The following SNRPF variants were observed in gnomAD, a reference collection of about 807,000 sequenced individuals.
SNRPF encodes the protein small nuclear ribonucleoprotein F.
Under a neutral mutation model 13.4 loss-of-function variants are expected in SNRPF, and 1 was observed. That is an observed-to-expected ratio of 0.07 (90% CI 0.03 to 0.35). SNRPF has a LOEUF of 0.35. SNRPF is among the 10% of genes least tolerant of loss of function. The probability of loss-of-function intolerance (pLI) is 0.99; values close to 1 mark genes in which losing one functional copy is unlikely to be tolerated. For missense variants in SNRPF, 53 were observed against 101.0 expected (o/e 0.52, Z 2.04); for synonymous variants, 27 against 32.1 (o/e 0.84, Z 0.54).
rs1565937756 is a variant in SNRPF at position 95,866,094 on chromosome 12, T to TA, written c.*23_*24insA. On this transcript the variant is annotated 3_prime_UTR_variant, in exon 4 of 4. Transcript: ENST00000266735. ...TAGCATCTTTTGTGGGGGATTTTTTTTATATATATTTCTAGACAATAAAGA... is the reference window on the plus strand; with the variant it reads ...TAGCATCTTTTGTGGGGGATTTTTTTATATATATATTTCTAGACAATAAAGA... The TA allele has an allele frequency of 8.4e-7, 1 of 1,186,290 alleles. No homozygotes were observed. 73.5% of individuals were successfully genotyped at this position (1,186,290 alleles called of 1,614,324 possible). A position where few individuals can be genotyped will look rare whatever the true frequency, so the allele number is the denominator to read the frequency against.
At chr12:95,865,965 T>G (rs1202361277) in intron 3 of SNRPF, 40 bp from the exon 4 acceptor site, 1 of 875,344 alleles carries the variant, frequency 1.1e-6, no homozygotes, top group Non-Finnish European at 1.9e-6. Context: ...CATACATGGT[T>G]TCTGGTTGGA....
Position 95,858,986 on chromosome 12 carries a change from C to G in SNRPF, c.-88C>G. 1.3e-6 allele frequency: 2 copies of G among 1,587,806 alleles called. No individual in the cohort carries two copies. The highest frequency in any genetic ancestry group is 1.1e-5 in the South Asian group (1 of 87,468). ...GGCCATTTCTCTTGAAACTGCGGCT[C>G]GGGACCTGCGGTACCTGCTGTAGTC... is the stretch of plus-strand genomic sequence containing the variant. On this transcript the variant is annotated 5_prime_UTR_variant, in exon 1 of 4. Coordinates refer to ENST00000266735, the MANE Select transcript of SNRPF (RefSeq NM_003095.5).
At chr12:95,861,493 A>T (rs2079496259) in intron 2 of SNRPF, 200 bp downstream of exon 2, 2 of 370,034 alleles carry the variant, frequency 5.4e-6, no homozygotes, top group East Asian at 7.2e-5. Context: ...ATTCAGCTAC[A>T]GATTTTATTC....
In SNRPF at chr12:95,866,017, C is replaced by T. The variant is rs1419271728; in HGVS notation, c.207C>T (p.Val69=). Residue 69 remains valine (V), a synonymous_variant, in exon 4 of 4, where the codon GTC becomes GTT. Transcript: ENST00000266735. ...TTTCTATTTACAGGTGTAATAATGTCCTTTATATCAGAGGTGTGGAAGAAG... is the reference window on the plus strand; with the variant it reads ...TTTCTATTTACAGGTGTAATAATGTTCTTTATATCAGAGGTGTGGAAGAAG... ...LGEVLIRCNN[V]LYIRGVEEEE... is the part of the protein sequence containing the mutation. 3.9e-6 allele frequency: 6 copies of T among 1,524,942 alleles called. No homozygotes were observed. The highest frequency in any genetic ancestry group is 5.4e-6 in the Non-Finnish European group (6 of 1,111,580). 94.5% of individuals were successfully genotyped at this position (1,524,942 alleles called of 1,614,324 possible).
At chr12:95,863,272 A>G (rs1306682252) in intron 2 of SNRPF, among the ~76,000 whole-genome samples, 2 of 152,228 alleles carry the variant, frequency 1.3e-5, no homozygotes, top group African/African-American at 2.4e-5. Flanking sequence ...TCTGGGAAGT[A>G]TATGAATTGT....
At chr12:95,864,374 G>A (rs144665540) in intron 2 of SNRPF, among the ~76,000 whole-genome samples, 66 of 152,256 alleles carry the variant, frequency 4.3e-4, no homozygotes, top group African/African-American at 1.5e-3. Context: ...ATTACAAGTA[G>A]AGCTTGTTAC....
intron 1 of SNRPF, among the ~76,000 whole-genome samples, chr12:95,860,945 TAGTC>T (rs575801522): frequency 5.9e-4 from 89 of 149,708 alleles, no homozygotes; most frequent in African/African-American, 1.9e-3. Flanking sequence ...CTTAAGTGAA[TAGTC>T]AGTGTTTTGT....
At chr12:95,861,316 T>G (rs2079495477) in intron 2 of SNRPF, 23 bp downstream of exon 2, 1 of 1,598,514 alleles carries the variant, frequency 6.3e-7, no homozygotes, top group South Asian at 1.1e-5. Context: ...GCTGTAAAGG[T>G]CATAACATTG....
intron 1 of SNRPF, 76 bp from the exon 2 acceptor site, chr12:95,861,092 A>G: frequency 1.4e-6 from 2 of 1,387,016 alleles, no homozygotes; most frequent in South Asian, 1.3e-5. Context: ...ACCACAAAAT[A>G]TTGGTGATTC....
chr12:95,861,203 A>G lies in SNRPF; in HGVS notation c.39A>G (p.Gly13=), dbSNP rs1281200854. The change falls in exon 2 of 4, where the codon GGA becomes GGG. Residue 13 remains glycine, a synonymous_variant. Coordinates refer to ENST00000266735, the MANE Select transcript of SNRPF (RefSeq NM_003095.5). ...LPLNPKPFLN[G]LTGKPVMVKL... ...TCAATCCCAAACCTTTCCTCAATGG[A>G]CTAACAGGAAAGCCAGTGATGGTGA... 1 of 1,612,030 alleles carries G rather than the reference A, an allele frequency of 6.2e-7. No individual in the cohort carries two copies. Among genetic ancestry groups the G allele is most frequent in the South Asian group, 1.1e-5 (1 of 91,026 alleles).
At chr12:95,862,205 C>T (rs965122302) in intron 2 of SNRPF, among the ~76,000 whole-genome samples, 4 of 151,974 alleles carry the variant, frequency 2.6e-5, no homozygotes, top group Non-Finnish European at 5.9e-5. Flanking sequence ...TCAGAATTTC[C>T]TTTTTATGAC....
chr12:95,860,331 A>G (rs911744187), intron 1 of SNRPF, among the ~76,000 whole-genome samples: 1 of 152,170 alleles, frequency 6.6e-6, no homozygotes, highest in African/African-American at 2.4e-5. Flanking sequence ...CTTTTACATA[A>G]GTAGCTAGCC....
At chr12:95,862,052 CT>C (rs754067944) in intron 2 of SNRPF, among the ~76,000 whole-genome samples, 3 of 152,310 alleles carry the variant, frequency 2.0e-5, no homozygotes, top group Non-Finnish European at 1.5e-5. Flanking sequence ...TAACTAACCC[CT>C]GGTAACCACT....
chr12:95,861,115 TTGG>T (rs907820775), intron 1 of SNRPF, 50 bp from the exon 2 acceptor site: 48 of 1,541,836 alleles, frequency 3.1e-5, no homozygotes, highest in Non-Finnish European at 4.2e-5. Context: ...TAGAAGAGAG[TTGG>T]TGGTGGGAGG....
Sources: gnomAD v4.1 joint callset for allele counts (sites outside exome capture counted in the v4.1 genomes callset) on GRCh38, gnomAD v4.1.1 for gene constraint, MANE v1.5 for transcripts, NCBI Gene and HGNC (gene_info 2026-07-23, HGNC 2026-07-21) for gene names.